The following ATXN1 variants were observed in gnomAD, a reference collection of about 807,000 sequenced individuals.
ATXN1 encodes ataxin 1, also known as ataxin-1.
Under a neutral mutation model 56.4 loss-of-function variants are expected in ATXN1, and 8 were observed. That is an observed-to-expected ratio of 0.14 (90% confidence interval 0.08 to 0.26). The LOEUF (loss-of-function observed/expected upper bound fraction) is 0.26, where lower values mean the gene tolerates loss of function less well. ATXN1 is among the 10% of genes least tolerant of loss of function. The pLI, the probability that ATXN1 is intolerant of heterozygous loss-of-function variation, is 1.00. For missense variants in ATXN1, 987 were observed against 1,106.5 expected (o/e 0.89, Z 1.53); for synonymous variants, 514 against 494.6 (o/e 1.04, Z -0.52).
In ATXN1 at chr6:16,629,136, G is replaced by C. The variant is rs541424781; in HGVS notation, c.-489+28640C>G. ...CCGCAACCTCATCAGCATCCAACTG[G>C]TTATTTTTTGACTTTTTAACAACAG... On this transcript the variant is annotated intron_variant, in intron 3 of 7. Coordinates refer to ENST00000436367, the MANE Select transcript of ATXN1 (RefSeq NM_001128164.2). Among the ~76,000 whole-genome samples, 33 of 152,230 alleles carry C rather than the reference G, an allele frequency of 2.2e-4. 1 individual carries two copies. The South Asian group carries it at 6.6e-3, about 31-fold the overall frequency.
intron 6 of ATXN1, among the ~76,000 whole-genome samples, chr6:16,463,867 C>G (rs1361406363): frequency 1.3e-5 from 2 of 152,186 alleles, no homozygotes; most frequent in Non-Finnish European, 2.9e-5. Flanking sequence ...TTGTTTCCTC[C>G]AGGATCGATA....
intron 4 of ATXN1, among the ~76,000 whole-genome samples, chr6:16,565,662 C>T (rs1030897004): frequency 1.1e-4 from 16 of 152,140 alleles, no homozygotes; most frequent in African/African-American, 3.6e-4. Context: ...ACAGAAACTG[C>T]CTTTGCTATT....
chr6:16,332,629 G>T (rs148398329), intron 6 of ATXN1, among the ~76,000 whole-genome samples: 1 of 152,294 alleles, frequency 6.6e-6, no homozygotes, highest in South Asian at 2.1e-4. Flanking sequence ...TATGCAGATC[G>T]CACTGTTTAA....
At chr6:16,478,383 G>A (rs563637424) in intron 6 of ATXN1, among the ~76,000 whole-genome samples, 14 of 152,316 alleles carry the variant, frequency 9.2e-5, no homozygotes, top group Admixed American at 4.6e-4. Flanking sequence ...TAGGGAGGAA[G>A]GCTGTTCACA....
At chr6:16,460,055 T>G (rs1392681602) in intron 6 of ATXN1, among the ~76,000 whole-genome samples, 1 of 152,090 alleles carries the variant, frequency 6.6e-6, no homozygotes, top group East Asian at 1.9e-4. Context: ...GGGGGTTCCT[T>G]GGGATCACTG....
intron 2 of ATXN1, among the ~76,000 whole-genome samples, chr6:16,741,528 A>G (rs967030015): frequency 2.0e-5 from 3 of 152,220 alleles, no homozygotes; most frequent in Non-Finnish European, 2.9e-5. Flanking sequence ...AAAAAGTTAA[A>G]TTAAGTGCAC....
intron 6 of ATXN1, among the ~76,000 whole-genome samples, chr6:16,407,989 T>C (rs1758718731): frequency 6.6e-6 from 1 of 152,140 alleles, no homozygotes; most frequent in African/African-American, 2.4e-5. Flanking sequence ...CCAGAGTGGT[T>C]GGGTTAAGGT....
At chr6:16,702,148 T>C (rs1476986418) in intron 2 of ATXN1, among the ~76,000 whole-genome samples, 2 of 151,978 alleles carry the variant, frequency 1.3e-5, no homozygotes, top group Non-Finnish European at 2.9e-5. Flanking sequence ...TATAGACCAA[T>C]GGAACAGAAC....
chr6:16,487,616 C>G (rs566802850), intron 5 of ATXN1, among the ~76,000 whole-genome samples: 2 of 152,332 alleles, frequency 1.3e-5, no homozygotes, highest in South Asian at 2.1e-4. Context: ...CCACCAGGCT[C>G]TGTGTTCAAC....
At chr6:16,453,866 C>T (rs748444002) in intron 6 of ATXN1, among the ~76,000 whole-genome samples, 3 of 152,030 alleles carry the variant, frequency 2.0e-5, no homozygotes, top group East Asian at 1.9e-4. Context: ...CGAAGCTGGG[C>T]GAGATGGCTC....
chr6:16,509,442 C>T (rs1761038473), intron 5 of ATXN1, among the ~76,000 whole-genome samples: 1 of 152,252 alleles, frequency 6.6e-6, no homozygotes, highest in South Asian at 2.1e-4. Flanking sequence ...GACATTTGTG[C>T]ACTCATTCAG....
chr6:16,701,596 A>C (rs1344851489), intron 2 of ATXN1, among the ~76,000 whole-genome samples: 2 of 152,200 alleles, frequency 1.3e-5, no homozygotes, highest in Non-Finnish European at 1.5e-5. Flanking sequence ...CCATTGTCTC[A>C]GCCCAAATCT....
At chr6:16,323,004 GGC>G (rs1178131326) in intron 7 of ATXN1, among the ~76,000 whole-genome samples, 1 of 152,096 alleles carries the variant, frequency 6.6e-6, no homozygotes, top group African/African-American at 2.4e-5. Flanking sequence ...GCCACGCGGG[GGC>G]CAACCTCACA....
At position 16,397,513 on chromosome 6, in the gene ATXN1, C is replaced by G. The variant is rs185821789; in HGVS notation, c.-160-69043G>C. Among the ~76,000 whole-genome samples, 1,467 of 152,298 alleles carry G rather than the reference C, an allele frequency of 9.6e-3. 13 individuals carry two copies. The highest frequency in any genetic ancestry group is 0.014 in the Non-Finnish European group (932 of 68,020). Reference sequence around the variant, plus strand: ...TCCTGACCTCAGGTGATCTGCCTGCCTCAGCCTCTCAAAGTGCCACTGTGC... The same window carrying G: ...TCCTGACCTCAGGTGATCTGCCTGCGTCAGCCTCTCAAAGTGCCACTGTGC... On this transcript the variant is annotated intron_variant, in intron 6 of 7. Transcript: ENST00000436367.
chr6:16,308,560 G>A (rs1308173139), intron 7 of ATXN1, among the ~76,000 whole-genome samples: 1 of 152,238 alleles, frequency 6.6e-6, no homozygotes, highest in African/African-American at 2.4e-5. Flanking sequence ...GTGTTCTCTG[G>A]TGAGCCCCAT....
intron 6 of ATXN1, among the ~76,000 whole-genome samples, chr6:16,440,733 T>G (rs1312301111): frequency 2.6e-5 from 4 of 151,708 alleles, no homozygotes; most frequent in African/African-American, 9.7e-5. Flanking sequence ...TTAAAAAAAT[T>G]TTTCAGAATC....
chr6:16,530,662 G>A (rs1022748536), intron 4 of ATXN1, among the ~76,000 whole-genome samples: 18 of 152,132 alleles, frequency 1.2e-4, no homozygotes, highest in African/African-American at 4.3e-4. Flanking sequence ...ACTAGGCTTA[G>A]TACCTGGTGA....
At chr6:16,611,856 T>TA (rs1763112734) in intron 3 of ATXN1, among the ~76,000 whole-genome samples, 1 of 121,554 alleles carries the variant, frequency 8.2e-6, no homozygotes, top group Non-Finnish European at 1.8e-5. Flanking sequence ...GAAATTTTTT[T>TA]TTTTTTTTTT....
intron 1 of ATXN1, among the ~76,000 whole-genome samples, chr6:16,757,889 G>A (rs965424209): frequency 6.6e-6 from 1 of 151,976 alleles, no homozygotes; most frequent in Non-Finnish European, 1.5e-5. Flanking sequence ...TTTATCAGTG[G>A]TGCCCTAATG....
Sources: allele counts gnomAD v4.1 joint callset (sites outside exome capture counted in the v4.1 genomes callset), GRCh38; gene constraint gnomAD v4.1.1; transcripts MANE v1.5; gene names NCBI Gene and HGNC (gene_info 2026-07-23, HGNC 2026-07-21).